The following NR6A1 variants were observed in gnomAD, a reference collection of about 807,000 sequenced individuals.
NR6A1 encodes the protein nuclear receptor subfamily 6 group A member 1.
In NR6A1, 7 loss-of-function variants were observed where a neutral mutation model predicts 59.1. That is an observed-to-expected ratio of 0.12 (90% CI 0.07 to 0.22). The LOEUF (loss-of-function observed/expected upper bound fraction) is 0.22, where lower values mean the gene tolerates loss of function less well. Ranked by LOEUF, NR6A1 falls within the 10% of genes least tolerant of loss-of-function variation. The pLI is 1.00. For missense variants in NR6A1, 468 were observed against 611.6 expected (o/e 0.77, Z 2.48); for synonymous variants, 243 against 236.1 (o/e 1.03, Z -0.27).
chr9:124,563,629 C>T (rs1834144160), intron 2 of NR6A1, among the ~76,000 whole-genome samples: 1 of 152,232 alleles, frequency 6.6e-6, no homozygotes, highest in African/African-American at 2.4e-5. Context: ...CTGAATCACT[C>T]ACTCATTCCT....
intron 1 of NR6A1, among the ~76,000 whole-genome samples, chr9:124,753,100 C>G (rs1840551023): frequency 1.3e-5 from 2 of 152,078 alleles, no homozygotes; most frequent in African/African-American, 4.8e-5. Flanking sequence ...GCAAGGAAAC[C>G]ACTGGATGAT....
chr9:124,606,743 A>C (rs929439612), intron 2 of NR6A1, among the ~76,000 whole-genome samples: 8 of 152,226 alleles, frequency 5.3e-5, no homozygotes, highest in Non-Finnish European at 1.0e-4. Flanking sequence ...ACAGTGAGGT[A>C]ATTTAACAAA....
chr9:124,544,525 G>A (rs1427490714), intron 3 of NR6A1, among the ~76,000 whole-genome samples: 1 of 152,102 alleles, frequency 6.6e-6, no homozygotes, highest in Non-Finnish European at 1.5e-5. Context: ...GTAGGACCAC[G>A]GTATTAGGCA....
chr9:124,708,658 T>G (rs1839197635), intron 2 of NR6A1, among the ~76,000 whole-genome samples: 1 of 152,214 alleles, frequency 6.6e-6, no homozygotes, highest in Non-Finnish European at 1.5e-5. Context: ...TTTTCAATTC[T>G]CTCTTCCCAA....
chr9:124,723,164 A>G (rs932485753), intron 2 of NR6A1, among the ~76,000 whole-genome samples: 1 of 152,144 alleles, frequency 6.6e-6, no homozygotes, highest in Non-Finnish European at 1.5e-5. Flanking sequence ...TATTTTTTAA[A>G]GTCTGAGTAA....
chr9:124,731,782 T>G lies in NR6A1; in HGVS notation c.142+1526A>C, dbSNP rs550929729. ...TTTATTGTAACAATATAGAATATAA[T>G]ACATATAACATACAAAATTATGTTA... On this transcript the variant is annotated intron_variant, in intron 2 of 9. Transcript: ENST00000487099. 1.7e-4 allele frequency among the ~76,000 whole-genome samples: 26 copies of G among 152,334 alleles called. No individual in the cohort carries two copies. In the South Asian group the frequency reaches 5.0e-3, roughly 29 times the overall value.
At chr9:124,638,441 A>T (rs992081695) in intron 2 of NR6A1, among the ~76,000 whole-genome samples, 1 of 152,152 alleles carries the variant, frequency 6.6e-6, no homozygotes, top group Admixed American at 6.5e-5. Flanking sequence ...ACATTACTAC[A>T]GCATTTGACA....
At chr9:124,574,633 T>C (rs536711959) in intron 2 of NR6A1, among the ~76,000 whole-genome samples, 131 of 152,320 alleles carry the variant, frequency 8.6e-4, no homozygotes, top group African/African-American at 2.8e-3. Context: ...TGACAACCTT[T>C]GGAGTTTAAT....
At chr9:124,708,578 T>A (rs1009640314) in intron 2 of NR6A1, among the ~76,000 whole-genome samples, 3 of 152,166 alleles carry the variant, frequency 2.0e-5, no homozygotes, top group Non-Finnish European at 4.4e-5. Context: ...GGCAGAGGTA[T>A]AAACTCATCT....
chr9:124,655,963 T>C (rs1837246074), intron 2 of NR6A1, among the ~76,000 whole-genome samples: 1 of 152,192 alleles, frequency 6.6e-6, no homozygotes, highest in South Asian at 2.1e-4. Context: ...TGCTCCCCCC[T>C]CATTGAGTCT....
At chr9:124,770,944 AGAG>A (rs2131222433) in intron 1 of NR6A1, 73 bp downstream of exon 1, 1 of 843,974 alleles carries the variant, frequency 1.2e-6, no homozygotes, top group Non-Finnish European at 1.6e-6. Flanking sequence ...GGGTCGGCAG[AGAG>A]GAGGGGGATC....
intron 2 of NR6A1, among the ~76,000 whole-genome samples, chr9:124,654,338 G>GA (rs1441147578): frequency 4.0e-5 from 6 of 151,850 alleles, no homozygotes; most frequent in Admixed American, 2.6e-4. Flanking sequence ...TATTTGGGGG[G>GA]AAAAAAACAA....
At chr9:124,574,712 T>C (rs1834539623) in intron 2 of NR6A1, among the ~76,000 whole-genome samples, 2 of 152,192 alleles carry the variant, frequency 1.3e-5, no homozygotes, top group African/African-American at 4.8e-5. Flanking sequence ...GCCTTTCCTC[T>C]GGACATATTC....
chr9:124,631,193 G>C (rs550718975), intron 2 of NR6A1, among the ~76,000 whole-genome samples: 14 of 152,148 alleles, frequency 9.2e-5, no homozygotes, highest in African/African-American at 3.4e-4. Context: ...TACCTCCCAT[G>C]ACCAGCGAGA....
chr9:124,592,176 G>T (rs905273360), intron 2 of NR6A1, among the ~76,000 whole-genome samples: 4 of 152,154 alleles, frequency 2.6e-5, no homozygotes, highest in African/African-American at 9.7e-5. Flanking sequence ...GTGTGAAAAT[G>T]ACAAAAGCAA....
chr9:124,525,164 C>T (rs143655059), intron 8 of NR6A1, among the ~76,000 whole-genome samples: 13 of 152,212 alleles, frequency 8.5e-5, no homozygotes, highest in South Asian at 8.3e-4. Flanking sequence ...TACCAGTAAA[C>T]ACTAAACAAA....
chr9:124,759,133 A>G (rs912587675), intron 1 of NR6A1, among the ~76,000 whole-genome samples: 2 of 152,052 alleles, frequency 1.3e-5, no homozygotes, highest in African/African-American at 2.4e-5. Flanking sequence ...CCTCTTTTAC[A>G]TCTTTCTCAC....
chr9:124,758,641 G>A (rs1840704242), intron 1 of NR6A1, among the ~76,000 whole-genome samples: 1 of 152,136 alleles, frequency 6.6e-6, no homozygotes, highest in Non-Finnish European at 1.5e-5. Context: ...CATCAGAACT[G>A]TAACTGTAAA....
chr9:124,572,746 G>C (rs1174562470), intron 2 of NR6A1, among the ~76,000 whole-genome samples: 2 of 152,162 alleles, frequency 1.3e-5, no homozygotes, highest in African/African-American at 4.8e-5. Context: ...AAATTCGTAA[G>C]GGCAAGCTAT....
Sources: gnomAD v4.1 joint callset for allele counts (sites outside exome capture counted in the v4.1 genomes callset) on GRCh38, gnomAD v4.1.1 for gene constraint, MANE v1.5 for transcripts, NCBI Gene and HGNC (gene_info 2026-07-23, HGNC 2026-07-21) for gene names.